Variants in PHF20 observed in about 807,000 individuals in gnomAD.
The protein encoded by PHF20 is glioma-expressed antigen 2.
Under a neutral mutation model 113.5 loss-of-function variants are expected in PHF20, and 23 were observed. That is an observed-to-expected ratio of 0.20 (90% CI 0.15 to 0.29). The LOEUF (loss-of-function observed/expected upper bound fraction) is 0.29, where lower values mean the gene tolerates loss of function less well. Ranked by LOEUF, PHF20 falls within the 10% of genes least tolerant of loss-of-function variation. The probability of loss-of-function intolerance (pLI) is 1.00; values close to 1 mark genes in which losing one functional copy is unlikely to be tolerated. For missense variants in PHF20, 943 were observed against 1,219.6 expected, an observed-to-expected ratio of 0.77 and a Z score of 3.38; for synonymous variants, 434 against 457.3, an observed-to-expected ratio of 0.95 and a Z score of 0.65.
chr20:35,890,112 C>G (rs1288665835), intron 9 of PHF20, among the ~76,000 whole-genome samples: 1 of 152,024 alleles, frequency 6.6e-6, no homozygotes, highest in East Asian at 1.9e-4. Context: ...ACTGCAGCAT[C>G]GACCTCCTGG....
At chr20:35,903,079 T>TTTC (rs1555799697) in intron 10 of PHF20, among the ~76,000 whole-genome samples, 1 of 141,966 alleles carries the variant, frequency 7.0e-6, no homozygotes, top group Admixed American at 7.0e-5. Flanking sequence ...TATCCTTTCT[T>TTTC]TTTTTTTTTT....
At chr20:35,915,803 T>G (rs887554990) in intron 12 of PHF20, among the ~76,000 whole-genome samples, 10 of 152,156 alleles carry the variant, frequency 6.6e-5, no homozygotes, top group Non-Finnish European at 1.2e-4. Context: ...GTTCAAAAAT[T>G]TGAACTAGCA....
chr20:35,851,470 T>G (rs1021617025), intron 4 of PHF20, among the ~76,000 whole-genome samples: 4 of 152,134 alleles, frequency 2.6e-5, no homozygotes, highest in Non-Finnish European at 4.4e-5. Context: ...GCTGATACTG[T>G]GTGAACAGCT....
chr20:35,899,836 CCTAA>C (rs1482798601), intron 10 of PHF20, among the ~76,000 whole-genome samples, 188 bp downstream of exon 10: 2 of 152,188 alleles, frequency 1.3e-5, no homozygotes, highest in Non-Finnish European at 2.9e-5. Context: ...AGCAGGAACA[CCTAA>C]CTGAGAATTA....
At chr20:35,831,985 C>T (rs994970757) in intron 2 of PHF20, among the ~76,000 whole-genome samples, 1 of 152,180 alleles carries the variant, frequency 6.6e-6, no homozygotes, top group African/African-American at 2.4e-5. Context: ...GGCAAACATT[C>T]ATTTAGGGCT....
intron 2 of PHF20, among the ~76,000 whole-genome samples, chr20:35,815,544 C>T (rs1455448654): frequency 3.3e-5 from 5 of 152,254 alleles, no homozygotes; most frequent in African/African-American, 2.4e-5. Context: ...CAGCTCACTG[C>T]AACCTCCACC....
At chr20:35,916,716 C>T (rs1280594906) in intron 12 of PHF20, among the ~76,000 whole-genome samples, 1 of 152,040 alleles carries the variant, frequency 6.6e-6, no homozygotes, top group Non-Finnish European at 1.5e-5. Context: ...GATCGGCCCA[C>T]CTTGGCCTCC....
At chr20:35,946,680 T>A (rs927801408) in intron 17 of PHF20, among the ~76,000 whole-genome samples, 33 of 142,956 alleles carry the variant, frequency 2.3e-4, no homozygotes, top group African/African-American at 7.9e-4. Flanking sequence ...TATTTTATTT[T>A]ATTTATTTTA....
At chr20:35,836,297 C>T (rs947867719) in intron 2 of PHF20, among the ~76,000 whole-genome samples, 2 of 152,038 alleles carry the variant, frequency 1.3e-5, no homozygotes, top group Non-Finnish European at 2.9e-5. Flanking sequence ...GGATTATAGA[C>T]ATGAGCCACT....
intron 6 of PHF20, among the ~76,000 whole-genome samples, chr20:35,864,096 GC>G (rs914265773): frequency 1.3e-5 from 2 of 151,920 alleles, no homozygotes; most frequent in East Asian, 1.9e-4. Context: ...GCATGAAGAG[GC>G]CCCCCCGGTT....
At chr20:35,832,052 A>G (rs1205411288) in intron 2 of PHF20, among the ~76,000 whole-genome samples, 1 of 152,070 alleles carries the variant, frequency 6.6e-6, no homozygotes, top group Non-Finnish European at 1.5e-5. Flanking sequence ...TGTTTCCTCT[A>G]TCCCCTTGAA....
At chr20:35,892,224 A>ATTTTTTTTTTT (rs780490898) in intron 9 of PHF20, among the ~76,000 whole-genome samples, 15 of 102,522 alleles carry the variant, frequency 1.5e-4, no homozygotes, top group Non-Finnish European at 1.9e-4. Context: ...CGCCTGGCTG[A>ATTTTTTTTTTT]TTTTTTTTTT....
intron 1 of PHF20, among the ~76,000 whole-genome samples, chr20:35,799,592 C>T (rs191913589): frequency 2.0e-5 from 3 of 152,198 alleles, no homozygotes; most frequent in Admixed American, 1.3e-4. Context: ...ATCAGAACCA[C>T]CACTAGCTCC....
intron 13 of PHF20, 50 bp from the exon 14 acceptor site, chr20:35,927,730 T>G: frequency 4.7e-5 from 67 of 1,435,874 alleles, no homozygotes; most frequent in Non-Finnish European, 6.2e-5. Context: ...TACTTTTGGA[T>G]GGAGAACACC....
chr20:35,899,303 T>C (rs2055049186), intron 9 of PHF20, 67 bp from the exon 10 acceptor site: 1 of 1,339,266 alleles, frequency 7.5e-7, no homozygotes, highest in African/African-American at 1.5e-5. Context: ...TGTCATGTGT[T>C]AATGCATGTT....
intron 17 of PHF20, among the ~76,000 whole-genome samples, chr20:35,941,683 G>A (rs1369139473): frequency 6.6e-6 from 1 of 152,158 alleles, no homozygotes; most frequent in African/African-American, 2.4e-5. Flanking sequence ...ATGGAGCCCA[G>A]TTAAAAAAGA....
At chr20:35,802,759 G>A (rs1421979699) in intron 2 of PHF20, among the ~76,000 whole-genome samples, 1 of 151,096 alleles carries the variant, frequency 6.6e-6, no homozygotes, top group Non-Finnish European at 1.5e-5. Flanking sequence ...CTAAAGTGGC[G>A]AAACCCCGTC....
intron 1 of PHF20, among the ~76,000 whole-genome samples, chr20:35,791,686 G>A (rs952570137): frequency 1.3e-5 from 2 of 151,722 alleles, no homozygotes; most frequent in African/African-American, 4.8e-5. Flanking sequence ...GAGGATTGGA[G>A]CTCTGTCAAG....
intron 10 of PHF20, among the ~76,000 whole-genome samples, chr20:35,909,437 A>C (rs1263074776): frequency 6.6e-6 from 1 of 152,064 alleles, no homozygotes; most frequent in Non-Finnish European, 1.5e-5. Flanking sequence ...ATGGCTAATA[A>C]TACGGTGGTA....
Sources: allele counts gnomAD v4.1 joint callset (sites outside exome capture counted in the v4.1 genomes callset), GRCh38; gene constraint gnomAD v4.1.1; transcripts MANE v1.5; gene names NCBI Gene and HGNC (gene_info 2026-07-23, HGNC 2026-07-21).